The following HEPH variants were observed in gnomAD, a reference collection of about 807,000 sequenced individuals.
The protein encoded by HEPH is hephaestin.
A neutral mutation model predicts 80.8 loss-of-function variants in HEPH; 69 were observed. The ratio of observed to expected loss-of-function variants is 0.85; its 90% CI spans 0.70 to 1.04. The LOEUF (loss-of-function observed/expected upper bound fraction) is 1.04. HEPH is among the 50% of genes least tolerant of loss of function. HEPH has a pLI of 0.00. For missense variants in HEPH, 1,115 were observed against 891.3 expected (o/e 1.25, Z -3.20); for synonymous variants, 431 against 322.8 (o/e 1.34, Z -3.60).
At chrX:66,176,329 A>T (rs756964677) in intron 4 of HEPH, among the ~76,000 whole-genome samples, 70 of 111,782 alleles carry the variant, frequency 6.3e-4, no homozygotes, top group African/African-American at 2.2e-3. Flanking sequence ...TGACTTGCAT[A>T]TGTTAAACCA....
In HEPH at chrX:66,266,555, G is replaced by T; in HGVS notation, c.3360G>T (p.Leu1120=). The T allele has an allele frequency of 8.3e-7, 1 of 1,210,139 alleles. No individual in the cohort carries two copies. The highest frequency in any genetic ancestry group is 1.1e-6 in the Non-Finnish European group (1 of 894,579). ...SVLVAISVTL[L]LVVLALGGVV... ...TGGTTGCCATTAGTGTCACCCTTCTGCTCGTTGTTCTGGCTCTTGGTGGAG... is the reference window on the plus strand; with the variant it reads ...TGGTTGCCATTAGTGTCACCCTTCTTCTCGTTGTTCTGGCTCTTGGTGGAG... Residue 1120 remains leucine, a synonymous_variant, in exon 21 of 21, where the codon CTG becomes CTT. Transcript: ENST00000343002.
intron 15 of HEPH, among the ~76,000 whole-genome samples, chrX:66,226,232 T>A (rs1348224035): frequency 8.9e-6 from 1 of 112,292 alleles, no homozygotes; most frequent in Non-Finnish European, 1.9e-5. Context: ...TGCCTTTTAG[T>A]TTTTACTTCT....
At chrX:66,164,924 G>C (rs1160550318) in intron 1 of HEPH, among the ~76,000 whole-genome samples, 1 of 112,070 alleles carries the variant, frequency 8.9e-6, no homozygotes, top group Non-Finnish European at 1.9e-5. Context: ...AATTTGAGTA[G>C]TCTTAGTTTC....
chrX:66,202,149 A>T (rs996473945), intron 12 of HEPH, among the ~76,000 whole-genome samples: 1 of 111,719 alleles, frequency 9.0e-6, no homozygotes, highest in Admixed American at 9.5e-5. Flanking sequence ...TTGGATAATG[A>T]GTGGACTCTC....
At chrX:66,244,181 C>T (rs970076775) in intron 15 of HEPH, among the ~76,000 whole-genome samples, 17 of 111,610 alleles carry the variant, frequency 1.5e-4, no homozygotes, top group African/African-American at 5.5e-4. Flanking sequence ...TAGTATCTTT[C>T]AGGTGTGCTA....
At chrX:66,234,840 G>T (rs2090296689) in intron 15 of HEPH, among the ~76,000 whole-genome samples, 1 of 109,993 alleles carries the variant, frequency 9.1e-6, no homozygotes, top group African/African-American at 3.3e-5. Context: ...GTAGAGACGG[G>T]GTTTCACCAT....
intron 1 of HEPH, among the ~76,000 whole-genome samples, chrX:66,166,450 C>T (rs1053977920): frequency 8.9e-6 from 1 of 111,949 alleles, no homozygotes; most frequent in African/African-American, 3.2e-5. Flanking sequence ...CCACCTCGGC[C>T]TCCCAAAGTG....
chrX:66,174,722 G>A (rs981046301), intron 4 of HEPH, among the ~76,000 whole-genome samples: 10 of 111,517 alleles, frequency 9.0e-5, no homozygotes, highest in Non-Finnish European at 3.8e-5. Flanking sequence ...GCAAGAGTAA[G>A]GTAGTAGCGC....
chrX:66,236,625 C>T (rs748163917), intron 15 of HEPH, among the ~76,000 whole-genome samples: 16 of 111,530 alleles, frequency 1.4e-4, no homozygotes, highest in African/African-American at 2.9e-4. Context: ...ATGCTGGCCT[C>T]GTAGAATGAG....
intron 7 of HEPH, 40 bp downstream of exon 7, chrX:66,192,338 G>T: frequency 1.8e-6 from 2 of 1,086,459 alleles, no homozygotes; most frequent in African/African-American, 1.8e-5. Flanking sequence ...TTCTTTAATT[G>T]GTCCAGCTCC....
At chrX:66,216,207 G>A (rs1000297864) in intron 15 of HEPH, among the ~76,000 whole-genome samples, 1 of 111,575 alleles carries the variant, frequency 9.0e-6, no homozygotes, top group Admixed American at 9.5e-5. Context: ...CCTATGAGAA[G>A]CATGTATCCT....
chrX:66,265,323 T>C (rs2091502107), intron 20 of HEPH, among the ~76,000 whole-genome samples: 1 of 111,009 alleles, frequency 9.0e-6, no homozygotes, highest in African/African-American at 3.3e-5. Context: ...GAAATAATAA[T>C]GCTGGATGCT....
intron 15 of HEPH, among the ~76,000 whole-genome samples, chrX:66,246,680 A>ACT (rs1337437076): frequency 9.0e-6 from 1 of 111,045 alleles, no homozygotes; most frequent in African/African-American, 3.3e-5. Context: ...ATTCTCACTT[A>ACT]CTCACCTTTC....
intron 15 of HEPH, among the ~76,000 whole-genome samples, chrX:66,220,814 G>A (rs1040709720): frequency 1.2e-4 from 13 of 111,250 alleles, no homozygotes; most frequent in African/African-American, 4.3e-4. Context: ...TTCAAAAACT[G>A]TGGTCATGGG....
chrX:66,255,754 G>C (rs996823436), intron 16 of HEPH, among the ~76,000 whole-genome samples: 11 of 111,532 alleles, frequency 9.9e-5, no homozygotes, highest in Non-Finnish European at 1.3e-4. Flanking sequence ...GGCCTTGAAA[G>C]CTGAGTCACA....
chrX:66,259,985 A>T (rs571033585), intron 18 of HEPH, 115 bp from the exon 19 acceptor site: 2 of 566,317 alleles, frequency 3.5e-6, no homozygotes, highest in African/African-American at 2.2e-5. Flanking sequence ...CTGGTCTAGG[A>T]ACCTTGAAGT....
intron 15 of HEPH, among the ~76,000 whole-genome samples, chrX:66,210,628 A>G (rs1278401742): frequency 8.9e-6 from 1 of 111,764 alleles, no homozygotes; most frequent in Non-Finnish European, 1.9e-5. Context: ...GAAGGGATAC[A>G]TTGGAAGTTG....
At chrX:66,256,682 C>G (rs1182965262) in intron 17 of HEPH, among the ~76,000 whole-genome samples, 1 of 111,783 alleles carries the variant, frequency 8.9e-6, no homozygotes, top group East Asian at 2.8e-4. Context: ...TTTTAAAACC[C>G]TGAGTTTAGT....
At chrX:66,260,783 T>C (rs1385732269) in intron 19 of HEPH, among the ~76,000 whole-genome samples, 2 of 110,617 alleles carry the variant, frequency 1.8e-5, no homozygotes, top group Non-Finnish European at 3.8e-5. Context: ...TTTTTTTTCT[T>C]AGAGTAAAGG....
Sources: gnomAD v4.1 joint callset for allele counts (sites outside exome capture counted in the v4.1 genomes callset) on GRCh38, gnomAD v4.1.1 for gene constraint, MANE v1.5 for transcripts, NCBI Gene and HGNC (gene_info 2026-07-23, HGNC 2026-07-21) for gene names.